The following ASPM variants were observed in gnomAD, a reference collection of about 807,000 sequenced individuals.
ASPM encodes the protein abnormal spindle-like microcephaly-associated protein.
ASPM carries 256 observed loss-of-function variants against 366.4 expected under a neutral mutation model. That is an observed-to-expected ratio of 0.70 (90% CI 0.63 to 0.77). ASPM has a LOEUF of 0.77. Ranked by LOEUF, ASPM falls within the 30% of genes least tolerant of loss-of-function variation. ASPM has a pLI of 0.00. For missense variants in ASPM, 4,146 were observed against 4,090.4 expected (o/e 1.01, Z -0.37); for synonymous variants, 1,414 against 1,342.9 (o/e 1.05, Z -1.16).
chr1:197,123,139 T>C (rs1051873709), intron 13 of ASPM, among the ~76,000 whole-genome samples: 2 of 152,214 alleles, frequency 1.3e-5, no homozygotes, highest in African/African-American at 2.4e-5. Flanking sequence ...ATATTTTCTG[T>C]ATACGGCACA....
At chr1:197,111,754 T>C (rs560927768) in intron 17 of ASPM, among the ~76,000 whole-genome samples, 5 of 151,878 alleles carry the variant, frequency 3.3e-5, no homozygotes, top group South Asian at 2.1e-4. Flanking sequence ...CCAACAATCA[T>C]ATGGAAAAAG....
intron 17 of ASPM, among the ~76,000 whole-genome samples, chr1:197,111,931 A>T (rs1657598881): frequency 6.6e-6 from 1 of 152,168 alleles, no homozygotes; most frequent in Non-Finnish European, 1.5e-5. Flanking sequence ...AATTAGCTCA[A>T]CCATTGTGGA....
intron 1 of ASPM, among the ~76,000 whole-genome samples, chr1:197,144,880 A>C (rs1250072796): frequency 6.6e-6 from 1 of 152,250 alleles, no homozygotes; most frequent in Admixed American, 6.5e-5. Context: ...ATAACATCAT[A>C]AACAACTAAT....
In ASPM at chr1:197,121,926, T is replaced by C. The variant is rs1657919162; in HGVS notation, c.3859A>G (p.Lys1287Glu). ...WRKYKLKTDL[K>E]RHQEREKAAR... ...TATTCTAGGAGTACCTGATGGCGTT[T>C]GAGATCTGTTTTTAGTTTATATTTT... The change falls in exon 16 of 28, where the codon AAA becomes GAA. Residue 1287 changes from lysine to glutamate, a missense_variant. By Grantham distance (56) the Lys-to-Glu change is moderately conservative (BLOSUM62 1). Transcript: ENST00000367409. 6.2e-7 allele frequency: 1 copy of C among 1,609,356 alleles called. No homozygotes were observed. Among genetic ancestry groups the C allele is most frequent in the African/African-American group, 1.3e-5 (1 of 74,788 alleles).
Position 197,102,877 on chromosome 1 carries a change from G to A in ASPM, c.6374C>T (p.Ala2125Val). The A allele has an allele frequency of 1.2e-6, 2 of 1,612,460 alleles. No homozygotes were observed. The highest frequency in any genetic ancestry group is 1.7e-6 in the Non-Finnish European group (2 of 1,179,234). Reference protein sequence around the residue: ...HMHRAATFIKAMFKMHQSRIS... With the variant: ...HMHRAATFIKVMFKMHQSRIS... ...TCTTGACTGATGCATTTTAAACATG[G>A]CTTTAATAAAAGTGGCTGCCCTGTG... Residue 2125 changes from alanine to valine, a missense_variant, in exon 18 of 28, where the codon GCC becomes GTC. Physicochemically the swap from Ala to Val is moderately conservative, Grantham distance 64 (BLOSUM62 0). Transcript: ENST00000367409.
chr1:197,089,752 T>C (rs1656715430), intron 25 of ASPM, among the ~76,000 whole-genome samples, 178 bp downstream of exon 25: 1 of 152,072 alleles, frequency 6.6e-6, no homozygotes, highest in Non-Finnish European at 1.5e-5. Flanking sequence ...GGAAATAATA[T>C]AAAAATTGGT....
At position 197,146,180 on chromosome 1, in the gene ASPM, G is replaced by T. The variant is rs1444527177; in HGVS notation, c.258C>A (p.Asp86Glu). The T allele has an allele frequency of 1.1e-5, 17 of 1,613,884 alleles. No homozygotes were observed. Among genetic ancestry groups the T allele is most frequent in the Non-Finnish European group, 1.4e-5 (16 of 1,179,970 alleles). Reference protein sequence around the residue: ...EVKISHFPAADLGFSVSQRCF... With the variant: ...EVKISHFPAAELGFSVSQRCF... Reference sequence around the variant, plus strand: ...AGCGCTGCGACACACTGAAGCCCAGGTCCGCGGCCGGGAAGTGGGAGATCT... The same window carrying T: ...AGCGCTGCGACACACTGAAGCCCAGTTCCGCGGCCGGGAAGTGGGAGATCT... The change falls in exon 1 of 28, where the codon GAC (aspartate) becomes GAA (glutamate). Residue 86 changes from aspartate (D) to glutamate (E), a missense_variant. Physicochemically the swap from Asp to Glu is conservative, Grantham distance 45. Transcript: ENST00000367409.
At chr1:197,096,209 T>G (rs573386202) in intron 18 of ASPM, 45 bp from the exon 19 acceptor site, 1 of 1,492,512 alleles carries the variant, frequency 6.7e-7, no homozygotes, top group South Asian at 1.1e-5. Flanking sequence ...AGTTGTCTCT[T>G]TTTTTTTGTA....
chr1:197,113,828 T>C (rs893960920), intron 17 of ASPM, among the ~76,000 whole-genome samples: 2 of 152,122 alleles, frequency 1.3e-5, no homozygotes, highest in Non-Finnish European at 2.9e-5. Context: ...CACAAAAGAT[T>C]TCCAAAATGG....
chr1:197,088,076 T>C (rs951357678), intron 26 of ASPM, 180 bp downstream of exon 26: 20 of 610,142 alleles, frequency 3.3e-5, no homozygotes, highest in Middle Eastern at 3.8e-4. Flanking sequence ...GTTTCTTTAA[T>C]AGTCAGAAAG....
Position 197,102,966 on chromosome 1 carries a change from C to A in ASPM, c.6285G>T (p.Lys2095Asn). Residue 2095 changes from lysine (K) to asparagine (N), a missense_variant, in exon 18 of 28, where the codon AAG (lysine) becomes AAT (asparagine). Transcript: ENST00000367409. ...HQHKEYLNLK[K>N]TAIKIQSVYR... ...AAACAGATTGGATTTTAATTGCTGT[C>A]TTCTTCAAATTAAGATACTCCTTAT... 6.2e-7 allele frequency: 1 copy of A among 1,612,456 alleles called. No individual in the cohort carries two copies. The highest frequency in any genetic ancestry group is 8.5e-7 in the Non-Finnish European group (1 of 1,179,120).
rs1279540274 is a variant in ASPM, at chr1:197,104,273, T to C, written c.4978A>G (p.Ile1660Val). The change falls in exon 18 of 28, where the codon ATA becomes GTA. Residue 1660 changes from isoleucine to valine, a missense_variant. Transcript: ENST00000367409. Reference protein sequence around the residue: ...KMYIHILTSVIKIQSYYRAYV... With the variant: ...KMYIHILTSVVKIQSYYRAYV... ...GCACGATAATATGATTGAATCTTTATAACAGATGTGAGGATGTGAATATAC... is the reference window on the plus strand; with the variant it reads ...GCACGATAATATGATTGAATCTTTACAACAGATGTGAGGATGTGAATATAC... 1.2e-6 allele frequency: 2 copies of C among 1,612,948 alleles called. No individual in the cohort carries two copies. The highest frequency in any genetic ancestry group is 2.7e-5 in the African/African-American group (2 of 74,840).
At chr1:197,115,879 A>G (rs1353963393) in intron 17 of ASPM, among the ~76,000 whole-genome samples, 1 of 152,186 alleles carries the variant, frequency 6.6e-6, no homozygotes, top group Admixed American at 6.5e-5. Flanking sequence ...GGATTTTCAG[A>G]AGGATAAATA....
rs6676084 is a variant in ASPM, at chr1:197,124,900, C to T, written c.3138G>A (p.Arg1046=). Reference sequence around the variant, plus strand: ...AAGCAAACGCTATTTTCCAAAGCAACCTGAGAGTTTTTTCTCTGTGCCTAT... The same window carrying T: ...AAGCAAACGCTATTTTCCAAAGCAATCTGAGAGTTTTTTCTCTGTGCCTAT... ...IVDRHREKTL[R]LLWKIAFAFQ... is the part of the protein sequence containing the mutation. The change falls in exon 12 of 28, where the codon AGG becomes AGA. Residue 1046 remains arginine (R), a synonymous_variant. Transcript: ENST00000367409. 0.29 allele frequency: 473,425 copies of T among 1,606,914 alleles called. 72,176 individuals are homozygous for T. Among genetic ancestry groups the T allele is most frequent in the Middle Eastern group, 0.35 (1,981 of 5,714 alleles).
intron 9 of ASPM, 152 bp from the exon 10 acceptor site, chr1:197,128,817 T>A: frequency 1.4e-6 from 1 of 715,320 alleles, no homozygotes; most frequent in Non-Finnish European, 2.2e-6. Context: ...CATACATATT[T>A]CCAACTTAAG....
intron 26 of ASPM, 65 bp from the exon 27 acceptor site, chr1:197,087,037 A>G: frequency 2.1e-6 from 3 of 1,398,036 alleles, no homozygotes; most frequent in Non-Finnish European, 2.9e-6. Context: ...CTTTTAGACT[A>G]GCAAAATCAA....
At chr1:197,126,017 G>C (rs1007129450) in intron 10 of ASPM, among the ~76,000 whole-genome samples, 2 of 152,148 alleles carry the variant, frequency 1.3e-5, no homozygotes, top group African/African-American at 4.8e-5. Flanking sequence ...CAGTCATTTT[G>C]CTGACACTTA....
chr1:197,118,676 C>T (rs1422397666), intron 16 of ASPM, among the ~76,000 whole-genome samples: 1 of 152,026 alleles, frequency 6.6e-6, no homozygotes, highest in Non-Finnish European at 1.5e-5. Context: ...ATGAACAATC[C>T]ATTTAAATCT....
rs776299348 is a variant in ASPM at position 197,100,868 on chromosome 1, G to C, written c.8383C>G (p.Gln2795Glu). 4.3e-6 allele frequency: 7 copies of C among 1,612,470 alleles called. No homozygotes were observed. In the Admixed American group the frequency reaches 1.2e-4, roughly 27 times the overall value. ...EAVQSEGVMI[Q>E]EWYKASGLAC... ...AGGCCAGAAGCTTTATACCACTCTT[G>C]AATCATAACACCTTCACTTTGAACA... Residue 2795 changes from glutamine (Q) to glutamate (E), a missense_variant, in exon 18 of 28, where the codon CAA becomes GAA. Physicochemically the swap from Gln to Glu is conservative, Grantham distance 29 (BLOSUM62 2). Coordinates refer to ENST00000367409, the MANE Select transcript of ASPM (RefSeq NM_018136.5).
Sources: allele counts gnomAD v4.1 joint callset (sites outside exome capture counted in the v4.1 genomes callset), GRCh38; gene constraint gnomAD v4.1.1; transcripts MANE v1.5; gene names NCBI Gene and HGNC (gene_info 2026-07-23, HGNC 2026-07-21).